Variants in GPC5 observed in about 807,000 individuals in gnomAD.
The protein encoded by GPC5 is glypican-5.
GPC5 carries 47 observed loss-of-function variants against 53.9 expected under a neutral mutation model. The observed-to-expected ratio is 0.87, with a 90% CI of 0.69 to 1.11. GPC5 has a LOEUF of 1.11. GPC5 is among the 50% of genes most tolerant of loss of function. The pLI, the probability that GPC5 is intolerant of heterozygous loss-of-function variation, is 0.00. For missense variants in GPC5, 748 were observed against 713.1 expected (o/e 1.05, Z -0.56); for synonymous variants, 286 against 263.3 (o/e 1.09, Z -0.84).
intron 7 of GPC5, among the ~76,000 whole-genome samples, chr13:92,632,365 T>C (rs893348543): frequency 7.3e-5 from 11 of 151,620 alleles, no homozygotes; most frequent in African/African-American, 2.4e-4. Context: ...ACTCCCAGAA[T>C]TATTTTTTTT....
chr13:91,603,974 T>C (rs1241359569), intron 2 of GPC5, among the ~76,000 whole-genome samples: 1 of 151,748 alleles, frequency 6.6e-6, no homozygotes, highest in Admixed American at 6.6e-5. Flanking sequence ...ATTATACTTT[T>C]AAGTTTTAGG....
intron 7 of GPC5, among the ~76,000 whole-genome samples, chr13:92,546,223 A>G (rs973566439): frequency 3.9e-5 from 6 of 152,136 alleles, no homozygotes; most frequent in Admixed American, 3.9e-4. Context: ...AGGAAGTCAA[A>G]TTGTCCGCAT....
At chr13:92,178,460 A>G (rs1009017891) in intron 7 of GPC5, among the ~76,000 whole-genome samples, 2 of 150,054 alleles carry the variant, frequency 1.3e-5, no homozygotes, top group South Asian at 2.1e-4. Context: ...TACCAGCAGT[A>G]TAGTAATTTC....
At chr13:92,631,669 G>A (rs879648514) in intron 7 of GPC5, among the ~76,000 whole-genome samples, 2 of 152,046 alleles carry the variant, frequency 1.3e-5, no homozygotes, top group African/African-American at 4.8e-5. Flanking sequence ...TAAAAATATG[G>A]TTGAGTTTCT....
intron 7 of GPC5, among the ~76,000 whole-genome samples, chr13:92,181,763 A>G (rs2042148662): frequency 1.3e-5 from 2 of 152,328 alleles, no homozygotes; most frequent in South Asian, 2.1e-4. Context: ...AAAATGGGAA[A>G]TCATGCAATG....
At chr13:91,585,108 A>G (rs1224406810) in intron 2 of GPC5, among the ~76,000 whole-genome samples, 5 of 152,210 alleles carry the variant, frequency 3.3e-5, no homozygotes, top group Non-Finnish European at 7.3e-5. Flanking sequence ...TTCAATCTCA[A>G]TTAGTATCAG....
chr13:92,508,086 C>G (rs1880437516), intron 7 of GPC5, among the ~76,000 whole-genome samples: 1 of 152,100 alleles, frequency 6.6e-6, no homozygotes, highest in Admixed American at 6.6e-5. Context: ...GCCTCAGCCT[C>G]CCCAGTAGCT....
At chr13:91,694,050 C>T (rs2139818878) in intron 3 of GPC5, among the ~76,000 whole-genome samples, 169 bp downstream of exon 3, 1 of 152,184 alleles carries the variant, frequency 6.6e-6, no homozygotes, top group East Asian at 1.9e-4. Flanking sequence ...CACATTCTCT[C>T]CTAAGTAGAA....
chr13:92,139,031 C>T (rs2041808063), intron 6 of GPC5, among the ~76,000 whole-genome samples: 1 of 152,066 alleles, frequency 6.6e-6, no homozygotes, highest in Non-Finnish European at 1.5e-5. Flanking sequence ...GAACATTTTT[C>T]TCTGGTTTAT....
rs947400483 is a variant in GPC5 at position 91,917,511 on chromosome 13, T to G, written c.1401+9454T>G. 5.3e-5 allele frequency among the ~76,000 whole-genome samples: 8 copies of G among 152,202 alleles called. 1 individual carries two copies. Among genetic ancestry groups the G allele is most frequent in the Non-Finnish European group, 1.0e-4 (7 of 68,046 alleles). On this transcript the variant is annotated intron_variant, in intron 6 of 7. Transcript: ENST00000377067. The stretch of plus-strand genomic sequence containing the variant: ...AGGCTGGAGGACAATGGCTGTCTTC[T>G]CACAGCTCCACTAGTCAGTGCCCCA...
intron 7 of GPC5, among the ~76,000 whole-genome samples, chr13:92,218,015 T>C (rs2042423324): frequency 6.7e-6 from 1 of 150,364 alleles, no homozygotes; most frequent in African/African-American, 2.5e-5. Flanking sequence ...GCTCTAATTC[T>C]TGGGCTCCAG....
At chr13:92,648,733 G>T (rs1455563649) in intron 7 of GPC5, among the ~76,000 whole-genome samples, 1 of 152,062 alleles carries the variant, frequency 6.6e-6, no homozygotes, top group Non-Finnish European at 1.5e-5. Flanking sequence ...TCTATACATA[G>T]ATTAAAACAT....
At chr13:92,068,004 G>A (rs544197175) in intron 6 of GPC5, among the ~76,000 whole-genome samples, 1 of 152,070 alleles carries the variant, frequency 6.6e-6, no homozygotes, top group South Asian at 2.1e-4. Flanking sequence ...GAGAGAGGGA[G>A]AGAGAAAGAT....
chr13:91,954,437 T>C (rs2040055040), intron 6 of GPC5, among the ~76,000 whole-genome samples: 2 of 152,208 alleles, frequency 1.3e-5, no homozygotes, highest in South Asian at 2.1e-4. Flanking sequence ...GATATTCAAA[T>C]AACAATTCGT....
At chr13:92,401,968 CTGTT>C (rs1467599274) in intron 7 of GPC5, among the ~76,000 whole-genome samples, 4 of 152,086 alleles carry the variant, frequency 2.6e-5, no homozygotes, top group African/African-American at 9.7e-5. Context: ...TTTGAATGCT[CTGTT>C]TGCTAAAAGA....
intron 2 of GPC5, among the ~76,000 whole-genome samples, chr13:91,555,036 C>T (rs888073323): frequency 6.6e-6 from 1 of 152,018 alleles, no homozygotes; most frequent in African/African-American, 2.4e-5. Context: ...TTAGTGGCTT[C>T]TTGCCTTTTA....
intron 6 of GPC5, among the ~76,000 whole-genome samples, chr13:92,069,144 T>G (rs1242680231): frequency 6.6e-6 from 1 of 152,090 alleles, no homozygotes; most frequent in South Asian, 2.1e-4. Flanking sequence ...TGAATTTTCT[T>G]GGCATCCTTT....
At chr13:92,848,896 G>T (rs9584069) in intron 7 of GPC5, among the ~76,000 whole-genome samples, 20,698 of 152,110 alleles carry the variant, frequency 0.14, 1,556 homozygotes, top group Middle Eastern at 0.19. Context: ...GAGAGAGAAT[G>T]AGTATGATTT....
At chr13:91,778,009 C>T (rs1279472053) in intron 5 of GPC5, among the ~76,000 whole-genome samples, 1 of 152,058 alleles carries the variant, frequency 6.6e-6, no homozygotes, top group African/African-American at 2.4e-5. Flanking sequence ...GAAGCTCACC[C>T]TCATAAAACT....
Sources: gnomAD v4.1 joint callset for allele counts (sites outside exome capture counted in the v4.1 genomes callset) on GRCh38, gnomAD v4.1.1 for gene constraint, MANE v1.5 for transcripts, NCBI Gene and HGNC (gene_info 2026-07-23, HGNC 2026-07-21) for gene names.